Variants in SYT1 observed in about 807,000 individuals in gnomAD.
SYT1 encodes synaptotagmin-1.
SYT1 carries 8 observed loss-of-function variants against 44.8 expected under a neutral mutation model. That is an observed-to-expected ratio of 0.18 (90% confidence interval 0.10 to 0.32). SYT1 has a LOEUF of 0.32. Ranked by LOEUF, SYT1 falls within the 10% of genes least tolerant of loss-of-function variation. SYT1 has a pLI of 1.00. For missense variants in SYT1, 286 were observed against 509.3 expected (o/e 0.56, Z 4.22); for synonymous variants, 154 against 188.8 (o/e 0.82, Z 1.51).
At chr12:79,376,841 T>TGC (rs1372268738) in intron 9 of SYT1, among the ~76,000 whole-genome samples, 1 of 152,204 alleles carries the variant, frequency 6.6e-6, no homozygotes, top group Admixed American at 6.5e-5. Context: ...TGCCTCCTTA[T>TGC]CTAAATTGCC....
chr12:79,440,800 A>G (rs1314041269), intron 9 of SYT1, among the ~76,000 whole-genome samples: 1 of 152,176 alleles, frequency 6.6e-6, no homozygotes, highest in Non-Finnish European at 1.5e-5. Flanking sequence ...TGTATTCTTA[A>G]AGCACAAATG....
At chr12:79,169,296 A>G (rs1871378043) in intron 3 of SYT1, among the ~76,000 whole-genome samples, 1 of 152,050 alleles carries the variant, frequency 6.6e-6, no homozygotes, top group Non-Finnish European at 1.5e-5. Flanking sequence ...ACTGCATTAA[A>G]TGTACTACTA....
intron 1 of SYT1, among the ~76,000 whole-genome samples, chr12:78,900,249 T>C (rs1245067034): frequency 6.6e-6 from 1 of 152,132 alleles, no homozygotes; most frequent in Non-Finnish European, 1.5e-5. Flanking sequence ...TGATTTAAAT[T>C]GACGCTTTGC....
In SYT1 at chr12:79,266,958, G is replaced by A. The variant is rs140949339; in HGVS notation, c.167-18829G>A. Among the ~76,000 whole-genome samples, 4 of 152,276 alleles carry A rather than the reference G, an allele frequency of 2.6e-5. No homozygotes were observed. The East Asian group carries it at 7.7e-4, about 29-fold the overall frequency. On this transcript the variant is annotated intron_variant, in intron 4 of 10. Coordinates refer to ENST00000261205, the MANE Select transcript of SYT1 (RefSeq NM_005639.3). Reference sequence around the variant, plus strand: ...AGCCTGAATCTTCCCTTTCATGACTGTAAAGACTCAAACGCCCTGTTCTTC... The same window carrying A: ...AGCCTGAATCTTCCCTTTCATGACTATAAAGACTCAAACGCCCTGTTCTTC...
intron 9 of SYT1, among the ~76,000 whole-genome samples, chr12:79,403,971 G>A (rs553521907): frequency 6.6e-5 from 10 of 152,224 alleles, no homozygotes; most frequent in South Asian, 2.1e-4. Context: ...TGTAAATATC[G>A]TTTAATCTGT....
intron 4 of SYT1, among the ~76,000 whole-genome samples, chr12:79,270,546 A>C (rs1921026): frequency 0.29 from 44,039 of 152,052 alleles, 6,915 homozygotes; most frequent in East Asian, 0.58. Context: ...CATCCTGTGA[A>C]AAAGATATGG....
At chr12:79,310,824 A>G (rs1053037985) in intron 8 of SYT1, among the ~76,000 whole-genome samples, 6 of 152,038 alleles carry the variant, frequency 3.9e-5, no homozygotes, top group Admixed American at 6.6e-5. Context: ...TTTGTCTGTT[A>G]TTGGTGTATA....
intron 8 of SYT1, among the ~76,000 whole-genome samples, chr12:79,353,094 A>C (rs1156926203): frequency 2.0e-5 from 3 of 152,210 alleles, no homozygotes; most frequent in Non-Finnish European, 4.4e-5. Flanking sequence ...AAGGACAAAA[A>C]TTTAGGTCGA....
At chr12:79,081,000 T>A (rs1330422596) in intron 3 of SYT1, among the ~76,000 whole-genome samples, 1 of 152,212 alleles carries the variant, frequency 6.6e-6, no homozygotes, top group African/African-American at 2.4e-5. Flanking sequence ...TAGGTCATGC[T>A]GTAAAACTCT....
chr12:78,935,352 T>A (rs577001516), intron 1 of SYT1, among the ~76,000 whole-genome samples: 1 of 152,210 alleles, frequency 6.6e-6, no homozygotes, highest in Admixed American at 6.5e-5. Flanking sequence ...GAGCTCCTGC[T>A]GTGAATCAGG....
At chr12:79,089,752 A>G (rs914511245) in intron 3 of SYT1, among the ~76,000 whole-genome samples, 3 of 152,068 alleles carry the variant, frequency 2.0e-5, no homozygotes, top group African/African-American at 7.2e-5. Context: ...ATTGAGAGCA[A>G]ACACTCAATG....
At chr12:79,219,015 G>A (rs936023302) in intron 4 of SYT1, among the ~76,000 whole-genome samples, 3 of 151,918 alleles carry the variant, frequency 2.0e-5, no homozygotes, top group Non-Finnish European at 2.9e-5. Flanking sequence ...CCACATCCTC[G>A]CCAACACTTA....
chr12:79,103,160 C>T (rs576609408), intron 3 of SYT1: 137 of 152,154 alleles, frequency 9.0e-4, no homozygotes, highest in African/African-American at 3.2e-3. Context: ...TTTTACTTAT[C>T]GTGGCAATTT....
chr12:78,872,242 T>C (rs1031906453), intron 1 of SYT1, among the ~76,000 whole-genome samples: 1 of 151,858 alleles, frequency 6.6e-6, no homozygotes, highest in Non-Finnish European at 1.5e-5. Flanking sequence ...GATATGCAAG[T>C]TTCCAACGAC....
chr12:79,394,856 T>C (rs1384630063), intron 9 of SYT1, among the ~76,000 whole-genome samples: 2 of 152,210 alleles, frequency 1.3e-5, no homozygotes, highest in East Asian at 3.8e-4. Context: ...TACAGTTTTT[T>C]CACTATTAAA....
chr12:79,169,509 G>A (rs1475495101), intron 3 of SYT1, among the ~76,000 whole-genome samples: 3 of 151,950 alleles, frequency 2.0e-5, no homozygotes, highest in Admixed American at 1.3e-4. Context: ...CCTATGACAT[G>A]TAGTGAGGCA....
intron 3 of SYT1, among the ~76,000 whole-genome samples, chr12:79,203,093 A>AAT (rs1555206741): frequency 1.1e-4 from 16 of 151,828 alleles, no homozygotes; most frequent in African/African-American, 3.1e-4. Context: ...ATGGAAAAAA[A>AAT]AATTTTTTTA....
chr12:79,060,415 C>A (rs1370264379), intron 3 of SYT1, among the ~76,000 whole-genome samples: 1 of 151,856 alleles, frequency 6.6e-6, no homozygotes, highest in Non-Finnish European at 1.5e-5. Flanking sequence ...CAGCATCAGC[C>A]ACCCTCAGAA....
chr12:78,871,842 G>A (rs926433653), intron 1 of SYT1, among the ~76,000 whole-genome samples: 7 of 151,682 alleles, frequency 4.6e-5, no homozygotes, highest in African/African-American at 1.7e-4. Flanking sequence ...TTGGGCATTA[G>A]AGCATATTTC....
Sources: allele counts gnomAD v4.1 joint callset (sites outside exome capture counted in the v4.1 genomes callset), GRCh38; gene constraint gnomAD v4.1.1; transcripts MANE v1.5; gene names NCBI Gene and HGNC (gene_info 2026-07-23, HGNC 2026-07-21).